PIERCE1: variants seen among roughly 807,000 people sequenced by gnomAD.
PIERCE1 encodes piercer of microtubule wall 1.
the PIERCE1 span, among the ~76,000 whole-genome samples, chr9:135,495,925 T>C: frequency 6.6e-6 from 1 of 152,284 alleles, no homozygotes; most frequent in African/African-American, 2.4e-5. Context: ...AGGTCTGCTT[T>C]TGCTCACTGT....
the PIERCE1 span, chr9:135,498,553 G>A: frequency 8.1e-6 from 13 of 1,603,334 alleles, no homozygotes; most frequent in Non-Finnish European, 1.1e-5. The surrounding 1 kb of genome is among the most constrained non-coding windows in gnomAD (Gnocchi z 4.1). Context: ...CCCACCCCCT[G>A]CCCCCCATGC....
chr9:135,499,503 C>G, the PIERCE1 span: 1 of 759,706 alleles, frequency 1.3e-6, no homozygotes, highest in Non-Finnish European at 2.3e-6. Flanking sequence ...GGCCCTGCCC[C>G]CCACTGCCCT....
chr9:135,497,874 G>A, the PIERCE1 span, among the ~76,000 whole-genome samples: 1 of 152,158 alleles, frequency 6.6e-6, no homozygotes, highest in Non-Finnish European at 1.5e-5. Flanking sequence ...AACTAAATAA[G>A]CACTCACCAG....
chr9:135,497,044 G>T, the PIERCE1 span, among the ~76,000 whole-genome samples: 5 of 152,156 alleles, frequency 3.3e-5, no homozygotes, highest in African/African-American at 1.2e-4. Context: ...TGATCCACCC[G>T]CCTCGGCCTC....
At chr9:135,499,540 T>C in the PIERCE1 span, 1 of 929,424 alleles carries the variant, frequency 1.1e-6, no homozygotes, top group Non-Finnish European at 1.7e-6. Flanking sequence ...TATGAGGCTC[T>C]AGGGAGCACG....
the PIERCE1 span, chr9:135,499,747 C>A: frequency 6.2e-7 from 1 of 1,607,524 alleles, no homozygotes; most frequent in East Asian, 2.2e-5. Flanking sequence ...TGAACCTGCC[C>A]GGCAGGTCCG....
chr9:135,495,661 G>A, the PIERCE1 span: 2 of 1,460,640 alleles, frequency 1.4e-6, no homozygotes, highest in Non-Finnish European at 1.9e-6. Flanking sequence ...TAATACTCTT[G>A]AGCAATCCGT....
the PIERCE1 span, among the ~76,000 whole-genome samples, chr9:135,497,904 C>G: frequency 6.6e-6 from 1 of 152,338 alleles, no homozygotes; most frequent in African/African-American, 2.4e-5. Flanking sequence ...GTGATGAATG[C>G]TTTGACAACG....
the PIERCE1 span, among the ~76,000 whole-genome samples, chr9:135,496,248 C>A: frequency 6.4e-4 from 97 of 152,316 alleles, 1 homozygote; most frequent in Admixed American, 1.7e-3. Context: ...ACCGGGGAGG[C>A]GGAGCTTGCA....
chr9:135,495,472 G>A, the PIERCE1 span: 1 of 1,614,110 alleles, frequency 6.2e-7, no homozygotes, highest in Non-Finnish European at 8.5e-7. Flanking sequence ...TGGGGTGGAA[G>A]TTGAGCCGGT....
the PIERCE1 span, chr9:135,498,851 G>T: frequency 1.7e-6 from 1 of 603,496 alleles, no homozygotes; most frequent in East Asian, 2.9e-5. This position sits in a 1 kb window ranked among gnomAD's most constrained non-coding sequence, Gnocchi z 4.1. Flanking sequence ...GAATGGCCCG[G>T]CCTCCCCGGC....
the PIERCE1 span, chr9:135,495,462 T>A: frequency 1.2e-6 from 2 of 1,614,048 alleles, no homozygotes; most frequent in African/African-American, 1.3e-5. Flanking sequence ...ATGTTGTAAC[T>A]GGGGTGGAAG....
the PIERCE1 span, among the ~76,000 whole-genome samples, chr9:135,496,842 C>CTA: frequency 6.7e-6 from 1 of 149,768 alleles, no homozygotes; most frequent in Non-Finnish European, 1.5e-5. Context: ...TAGTCACCCA[C>CTA]GCCGGCGTGC....
At chr9:135,498,685 A>G in the PIERCE1 span, 1 of 1,595,826 alleles carries the variant, frequency 6.3e-7, no homozygotes, top group Non-Finnish European at 8.6e-7. This position sits in a 1 kb window ranked among gnomAD's most constrained non-coding sequence, Gnocchi z 4.1. Flanking sequence ...GAAACACTCT[A>G]TTTTCATTCA....
chr9:135,499,608 T>C, the PIERCE1 span: 2 of 1,465,352 alleles, frequency 1.4e-6, no homozygotes, highest in South Asian at 2.5e-5. Context: ...CTCGATCTTC[T>C]TGATTTCTGT....
the PIERCE1 span, chr9:135,498,590 T>A: frequency 6.2e-7 from 1 of 1,613,664 alleles, no homozygotes; most frequent in Non-Finnish European, 8.5e-7. The surrounding 1 kb of genome is among the most constrained non-coding windows in gnomAD (Gnocchi z 4.1). Context: ...CTTACAGGCA[T>A]CTCGTGCACG....
chr9:135,499,409 C>T, the PIERCE1 span: 3 of 644,730 alleles, frequency 4.7e-6, no homozygotes, highest in Non-Finnish European at 8.8e-6. Context: ...CGCCCCGCAG[C>T]GGAGTTTCAG....
At chr9:135,499,828 C>T in the PIERCE1 span, 3 of 1,594,216 alleles carry the variant, frequency 1.9e-6, no homozygotes, top group Non-Finnish European at 1.7e-6. Context: ...GCTCCGCGCA[C>T]GCTCTGGGGC....
the PIERCE1 span, chr9:135,495,315 G>A: frequency 1.2e-5 from 12 of 995,124 alleles, no homozygotes; most frequent in South Asian, 2.0e-4. Flanking sequence ...ATATTTTCAG[G>A]GAAGGCAGCG....
Sources: gnomAD v4.1 joint callset for allele counts (sites outside exome capture counted in the v4.1 genomes callset) on GRCh38, gnomAD v4.1.1 for gene constraint, Gnocchi (gnomAD v3.1) non-coding constraint, MANE v1.5 for transcripts, NCBI Gene and HGNC (gene_info 2026-07-23, HGNC 2026-07-21) for gene names.